CYRIB: variants seen among roughly 807,000 people sequenced by gnomAD.
CYRIB encodes CYFIP related Rac1 interactor B, also known as CYFIP-related Rac1 interactor B.
Under a neutral mutation model 44.2 loss-of-function variants are expected in CYRIB, and 8 were observed. The ratio of observed to expected loss-of-function variants is 0.18; its 90% CI spans 0.11 to 0.33. The LOEUF (loss-of-function observed/expected upper bound fraction) is 0.33, where lower values mean the gene tolerates loss of function less well. CYRIB is among the 10% of genes least tolerant of loss of function. The probability of loss-of-function intolerance (pLI) is 1.00; values close to 1 mark genes in which losing one functional copy is unlikely to be tolerated. For synonymous variants in CYRIB, 131 were observed against 127.2 expected, an observed-to-expected ratio of 1.03 and a Z score of -0.20; for missense variants, 185 against 382.8, an observed-to-expected ratio of 0.48 and a Z score of 4.31.
chr8:129,858,674 T>G (rs2047496097), intron 5 of CYRIB, among the ~76,000 whole-genome samples: 1 of 151,854 alleles, frequency 6.6e-6, no homozygotes, highest in South Asian at 2.1e-4. Context: ...TTAAAATACA[T>G]TTTGATAAAT....
chr8:129,970,244 G>A (rs1463556254), intron 2 of CYRIB, among the ~76,000 whole-genome samples: 5 of 152,150 alleles, frequency 3.3e-5, no homozygotes, highest in Admixed American at 3.3e-4. Context: ...CCCATCCTAT[G>A]GTTAAGCCTC....
intron 7 of CYRIB, among the ~76,000 whole-genome samples, chr8:129,852,777 A>G (rs1369145014): frequency 2.6e-5 from 4 of 152,332 alleles, no homozygotes; most frequent in Non-Finnish European, 5.9e-5. Flanking sequence ...GACTCCCTAA[A>G]GAGTAATTCA....
rs4733749 is a variant in CYRIB at position 129,883,361 on chromosome 8, A to T, written c.-10-3890T>A. 6.7e-4 allele frequency among the ~76,000 whole-genome samples: 102 copies of T among 152,072 alleles called. 2 individuals carry two copies. In the East Asian group the frequency reaches 0.019, roughly 28 times the overall value. ...CCAAATATCTCCTGGGGGCAAAATC[A>T]CCCGACTGAGAATCACTACAACTGT... On this transcript the variant is annotated intron_variant, in intron 2 of 11. Transcript: ENST00000519824.
chr8:129,925,343 G>T (rs927376629), intron 1 of CYRIB, among the ~76,000 whole-genome samples: 2 of 152,148 alleles, frequency 1.3e-5, no homozygotes. Flanking sequence ...AGTGAGCCAA[G>T]GTCATGCCAC....
chr8:129,891,400 T>C (rs1461019201), intron 2 of CYRIB, among the ~76,000 whole-genome samples: 2 of 141,434 alleles, frequency 1.4e-5, no homozygotes, highest in African/African-American at 4.9e-5. Context: ...TTACTAACAC[T>C]ATCTAACTCA....
exon 5 of CYRIB, chr8:129,862,309 T>A: frequency 1.2e-6 from 2 of 1,613,640 alleles, no homozygotes; most frequent in Non-Finnish European, 1.7e-6. Flanking sequence ...CTCTTGCAAC[T>A]TCTCATCTGC....
At chr8:129,965,598 C>T (rs1389336946) in intron 2 of CYRIB, among the ~76,000 whole-genome samples, 7 of 151,814 alleles carry the variant, frequency 4.6e-5, no homozygotes, top group South Asian at 4.2e-4. Flanking sequence ...AGATCGAGAC[C>T]GTCCTGGCTA....
intron 2 of CYRIB, among the ~76,000 whole-genome samples, chr8:129,948,274 C>T (rs542171147): frequency 2.6e-5 from 4 of 152,310 alleles, no homozygotes; most frequent in Middle Eastern, 3.4e-3. Context: ...ATTTTCTGCA[C>T]GCCTTCACTT....
chr8:129,929,234 G>C (rs1294782503), intron 1 of CYRIB, among the ~76,000 whole-genome samples: 2 of 151,988 alleles, frequency 1.3e-5, no homozygotes, highest in African/African-American at 2.4e-5. Flanking sequence ...GCAAAAGTGA[G>C]AGAGTGAGGG....
intron 3 of CYRIB, among the ~76,000 whole-genome samples, chr8:129,871,958 CT>C (rs2057389887): frequency 6.6e-6 from 1 of 152,004 alleles, no homozygotes; most frequent in Non-Finnish European, 1.5e-5. Context: ...GTTCATTTTA[CT>C]TTTAATGACT....
intron 1 of CYRIB, among the ~76,000 whole-genome samples, chr8:129,972,495 T>C (rs2095741689): frequency 6.6e-6 from 1 of 152,124 alleles, no homozygotes; most frequent in Non-Finnish European, 1.5e-5. Flanking sequence ...GAGGATCACT[T>C]GAGCCCAGGA....
At chr8:129,972,560 G>A (rs762095930) in intron 1 of CYRIB, among the ~76,000 whole-genome samples, 20 of 152,038 alleles carry the variant, frequency 1.3e-4, no homozygotes, top group Non-Finnish European at 2.1e-4. Context: ...GGGTGACAGA[G>A]CAACCCGTCT....
At chr8:129,882,241 T>A (rs533182104) in intron 2 of CYRIB, among the ~76,000 whole-genome samples, 4 of 152,356 alleles carry the variant, frequency 2.6e-5, no homozygotes, top group African/African-American at 9.6e-5. Flanking sequence ...GAAATTCGAC[T>A]CTAGCTTACT....
intron 2 of CYRIB, among the ~76,000 whole-genome samples, chr8:129,892,266 A>T (rs938037963): frequency 1.3e-5 from 2 of 152,186 alleles, no homozygotes; most frequent in African/African-American, 4.8e-5. Context: ...ATGCAAAACA[A>T]CTCAAAATGA....
chr8:129,914,115 T>G (rs62524564), intron 1 of CYRIB, among the ~76,000 whole-genome samples: 24,666 of 152,216 alleles, frequency 0.16, 2,483 homozygotes, highest in Non-Finnish European at 0.23. Context: ...CCTGTGTTAC[T>G]TCCCTGTCCC....
intron 1 of CYRIB, among the ~76,000 whole-genome samples, chr8:129,932,953 C>A (rs1303757457): frequency 1.3e-5 from 2 of 152,100 alleles, no homozygotes; most frequent in Admixed American, 1.3e-4. Flanking sequence ...AAATTAGCCA[C>A]CCAAATGGTG....
At chr8:129,980,449 A>AC (rs1564583902) in intron 1 of CYRIB, among the ~76,000 whole-genome samples, 1 of 152,184 alleles carries the variant, frequency 6.6e-6, no homozygotes, top group East Asian at 1.9e-4. Flanking sequence ...ATTACTGTGT[A>AC]TTTTAATACG....
chr8:129,930,178 T>G (rs553531524), intron 1 of CYRIB, among the ~76,000 whole-genome samples: 3 of 151,186 alleles, frequency 2.0e-5, no homozygotes, highest in Admixed American at 6.6e-5. Context: ...ACCACTGCAC[T>G]CCAGCCTGAG....
intron 1 of CYRIB, among the ~76,000 whole-genome samples, chr8:129,920,573 C>T (rs2083034392): frequency 6.6e-6 from 1 of 152,104 alleles, no homozygotes; most frequent in Admixed American, 6.5e-5. Context: ...CATAACTGTA[C>T]TTCAACTGCT....
Sources: allele counts gnomAD v4.1 joint callset (sites outside exome capture counted in the v4.1 genomes callset), GRCh38; gene constraint gnomAD v4.1.1; transcripts MANE v1.5; gene names NCBI Gene and HGNC (gene_info 2026-07-23, HGNC 2026-07-21).